THSD7A: variants seen among roughly 807,000 people sequenced by gnomAD.
The protein encoded by THSD7A is thrombospondin type-1 domain-containing protein 7A.
A neutral mutation model predicts 231.3 loss-of-function variants in THSD7A; 96 were observed. The ratio of observed to expected loss-of-function variants is 0.41; its 90% CI spans 0.35 to 0.49. The LOEUF is 0.49. Ranked by LOEUF, THSD7A falls within the 20% of genes least tolerant of loss-of-function variation. The probability of loss-of-function intolerance (pLI) is 0.05; values close to 1 mark genes in which losing one functional copy is unlikely to be tolerated. For missense variants in THSD7A, 2,290 were observed against 2,070.2 expected (o/e 1.11, Z -2.06); for synonymous variants, 940 against 743.3 (o/e 1.26, Z -4.30).
chr7:11,408,700 C>CAA (rs1783673999), intron 19 of THSD7A, among the ~76,000 whole-genome samples: 1 of 152,038 alleles, frequency 6.6e-6, no homozygotes, highest in Admixed American at 6.5e-5. Flanking sequence ...CGTTGTGTTT[C>CAA]AAGTATAGCT....
chr7:11,629,061 C>T (rs10276290), intron 2 of THSD7A, among the ~76,000 whole-genome samples: 2 of 152,024 alleles, frequency 1.3e-5, no homozygotes, highest in African/African-American at 2.4e-5. Context: ...CTGCTGGATA[C>T]AGGCAGGAGC....
At chr7:11,543,801 T>C (rs1042806663) in intron 4 of THSD7A, among the ~76,000 whole-genome samples, 4 of 150,136 alleles carry the variant, frequency 2.7e-5, no homozygotes, top group African/African-American at 1.0e-4. Context: ...TAAATGTTGC[T>C]TGTCCTTGTT....
chr7:11,416,807 G>T (rs549529766), intron 17 of THSD7A, among the ~76,000 whole-genome samples: 4 of 152,218 alleles, frequency 2.6e-5, no homozygotes, highest in African/African-American at 9.6e-5. Context: ...TCTCTTCCCA[G>T]AGTCTCGTGG....
At chr7:11,732,709 T>C (rs1034811204) in intron 1 of THSD7A, among the ~76,000 whole-genome samples, 1 of 151,802 alleles carries the variant, frequency 6.6e-6, no homozygotes, top group Admixed American at 6.6e-5. Context: ...TCTTTACAGC[T>C]TTGAAAGTAG....
intron 1 of THSD7A, among the ~76,000 whole-genome samples, chr7:11,693,962 G>T (rs528642248): frequency 6.6e-6 from 1 of 151,626 alleles, no homozygotes; most frequent in Admixed American, 6.6e-5. Flanking sequence ...TCACAGGAAT[G>T]ATTTTGTTTC....
intron 2 of THSD7A, among the ~76,000 whole-genome samples, chr7:11,614,753 A>G (rs1781049736): frequency 6.6e-6 from 1 of 152,080 alleles, no homozygotes. Flanking sequence ...ATTTCCTATT[A>G]TAATTTATAT....
chr7:11,459,666 T>A (rs1044874418), intron 11 of THSD7A, among the ~76,000 whole-genome samples: 5 of 9,292 alleles, frequency 5.4e-4, no homozygotes, highest in Admixed American at 1.3e-3. Flanking sequence ...AAACAGGGGA[T>A]TTTTTTTTTT....
intron 13 of THSD7A, among the ~76,000 whole-genome samples, chr7:11,433,091 G>T (rs1325760353): frequency 1.3e-5 from 2 of 151,988 alleles, no homozygotes; most frequent in African/African-American, 2.4e-5. Context: ...ATATATTCAA[G>T]ATGACTTTTG....
At chr7:11,437,891 T>G (rs1784684180) in intron 13 of THSD7A, among the ~76,000 whole-genome samples, 1 of 152,098 alleles carries the variant, frequency 6.6e-6, no homozygotes, top group African/African-American at 2.4e-5. Context: ...CCCATATTCA[T>G]GATTATATTT....
intron 1 of THSD7A, among the ~76,000 whole-genome samples, chr7:11,669,854 A>G (rs1352517128): frequency 6.6e-6 from 1 of 152,066 alleles, no homozygotes; most frequent in Non-Finnish European, 1.5e-5. Flanking sequence ...CAAACTCTTG[A>G]GATGGAGTTT....
chr7:11,462,843 T>C (rs926028525), intron 9 of THSD7A, among the ~76,000 whole-genome samples: 1 of 152,168 alleles, frequency 6.6e-6, no homozygotes, highest in East Asian at 1.9e-4. Flanking sequence ...AGATACACTT[T>C]CAATAAAGAC....
At chr7:11,383,161 T>C (rs1041739051) in intron 23 of THSD7A, among the ~76,000 whole-genome samples, 1 of 151,746 alleles carries the variant, frequency 6.6e-6, no homozygotes, top group Non-Finnish European at 1.5e-5. Flanking sequence ...ACATAATTAC[T>C]ATATACAGAA....
intron 1 of THSD7A, among the ~76,000 whole-genome samples, chr7:11,673,066 C>T (rs1165111651): frequency 6.6e-6 from 1 of 152,098 alleles, no homozygotes; most frequent in African/African-American, 2.4e-5. Context: ...GCAATTCAAA[C>T]AGATCATTTG....
At chr7:11,533,780 C>T (rs927925949) in intron 6 of THSD7A, among the ~76,000 whole-genome samples, 2 of 152,102 alleles carry the variant, frequency 1.3e-5, no homozygotes, top group Admixed American at 1.3e-4. Context: ...CTAATCCATG[C>T]AGGACTTAAA....
At chr7:11,572,089 C>G (rs1790660299) in intron 4 of THSD7A, among the ~76,000 whole-genome samples, 1 of 151,992 alleles carries the variant, frequency 6.6e-6, no homozygotes, top group Admixed American at 6.6e-5. Context: ...TCTCTGTTCA[C>G]TTTTACTTTT....
chr7:11,556,928 T>C (rs1225307315), intron 4 of THSD7A, among the ~76,000 whole-genome samples: 1 of 152,058 alleles, frequency 6.6e-6, no homozygotes, highest in African/African-American at 2.4e-5. Context: ...TAATATGTCT[T>C]GGCATGTATT....
rs1180123470 is a variant in THSD7A at position 11,382,619 on chromosome 7, G to T, written c.4412-3C>A. ...TTTATATTCATAGCACTGTCCATCT[G>T]CAGGGAAATAATAAACATTAGCAGA... On this transcript the variant is annotated splice_region_variant and splice_polypyrimidine_tract_variant and intron_variant, in intron 23 of 27. Transcript: ENST00000423059. 2 of 1,609,102 alleles carry T rather than the reference G, an allele frequency of 1.2e-6. No homozygotes were observed. The highest frequency in any genetic ancestry group is 1.3e-5 in the African/African-American group (1 of 74,894).
chr7:11,748,015 C>T (rs1382897270), intron 1 of THSD7A, among the ~76,000 whole-genome samples: 2 of 151,820 alleles, frequency 1.3e-5, no homozygotes, highest in Non-Finnish European at 2.9e-5. Context: ...GTTTATGCCA[C>T]GTTGATGAAT....
At chr7:11,740,248 G>A (rs1460607580) in intron 1 of THSD7A, among the ~76,000 whole-genome samples, 1 of 152,000 alleles carries the variant, frequency 6.6e-6, no homozygotes. Flanking sequence ...TGGAAGCCAT[G>A]ATGGCCGGGA....
Sources: allele counts gnomAD v4.1 joint callset (sites outside exome capture counted in the v4.1 genomes callset), GRCh38; gene constraint gnomAD v4.1.1; transcripts MANE v1.5; gene names NCBI Gene and HGNC (gene_info 2026-07-23, HGNC 2026-07-21).